Variants in JKAMP observed in about 807,000 individuals in gnomAD.
The protein encoded by JKAMP is JNK1/MAPK8-associated membrane protein.
In JKAMP, 20 loss-of-function variants were observed where a neutral mutation model predicts 40.2. The ratio of observed to expected loss-of-function variants is 0.50; its 90% CI spans 0.35 to 0.72. The LOEUF (loss-of-function observed/expected upper bound fraction) is 0.72. Ranked by LOEUF, JKAMP falls within the 30% of genes least tolerant of loss-of-function variation. JKAMP has a pLI of 0.01. For synonymous variants in JKAMP, 138 were observed against 131.6 expected, an observed-to-expected ratio of 1.05 and a Z score of -0.33; for missense variants, 276 against 373.0, an observed-to-expected ratio of 0.74 and a Z score of 2.14.
At chr14:59,500,162 A>C (rs1039730491) in intron 5 of JKAMP, among the ~76,000 whole-genome samples, 1 of 152,142 alleles carries the variant, frequency 6.6e-6, no homozygotes, top group Non-Finnish European at 1.5e-5. Context: ...TTTTGTTTTG[A>C]AAAGTTGATT....
Position 59,504,465 on chromosome 14 carries a change from C to T in JKAMP, c.*393C>T. On this transcript the variant is annotated 3_prime_UTR_variant, in exon 7 of 7. Coordinates refer to ENST00000616435, the MANE Select transcript of JKAMP (RefSeq NM_016475.5). ...GTAATTGTACTTACCTGTTGTGTTT[C>T]AGTTTGTTTTTCACCTATAATGAAT... 6.0e-6 allele frequency: 1 copy of T among 165,544 alleles called. No individual in the cohort carries two copies. The highest frequency in any genetic ancestry group is 1.3e-5 in the Non-Finnish European group (1 of 77,114). 10.3% of individuals were successfully genotyped at this position (165,544 alleles called of 1,614,324 possible).
rs1482170482 is a variant in JKAMP at position 59,504,551 on chromosome 14, T to G, written c.*479T>G. On this transcript the variant is annotated 3_prime_UTR_variant, in exon 7 of 7. Coordinates refer to ENST00000616435, the MANE Select transcript of JKAMP (RefSeq NM_016475.5). ...AACATAGAAATGATGTATATTGTTT[T>G]TTGTTATCTATTTATTTTCATCAAT... 3 of 153,772 alleles carry G rather than the reference T, an allele frequency of 2.0e-5. No homozygotes were observed. The highest frequency in any genetic ancestry group is 7.2e-5 in the African/African-American group (3 of 41,454). 9.5% of individuals were successfully genotyped at this position (153,772 alleles called of 1,614,324 possible).
intron 3 of JKAMP, among the ~76,000 whole-genome samples, chr14:59,488,199 A>G (rs1890724792): frequency 6.6e-6 from 1 of 152,024 alleles, no homozygotes; most frequent in Non-Finnish European, 1.5e-5. Context: ...TAAAAATGAT[A>G]TAGCTGTAAC....
chr14:59,495,299 T>C, intron 4 of JKAMP, 75 bp downstream of exon 4: 3 of 1,191,152 alleles, frequency 2.5e-6, no homozygotes, highest in Non-Finnish European at 1.2e-6. Context: ...TTATGGCGTT[T>C]GGAGACAAAA....
At chr14:59,493,356 CT>C (rs1891180459) in intron 3 of JKAMP, among the ~76,000 whole-genome samples, 1 of 152,156 alleles carries the variant, frequency 6.6e-6, no homozygotes, top group African/African-American at 2.4e-5. Context: ...TGAGTTAGTC[CT>C]TTTAAATGCT....
At chr14:59,485,729 T>C (rs572609439) in intron 1 of JKAMP, 2 of 152,698 alleles carry the variant, frequency 1.3e-5, no homozygotes, top group East Asian at 3.8e-4. Flanking sequence ...GCGATTCTCC[T>C]GCCTCAGCCT....
At chr14:59,503,476 T>A (rs1892092926) in intron 6 of JKAMP, among the ~76,000 whole-genome samples, 2 of 152,182 alleles carry the variant, frequency 1.3e-5, no homozygotes, top group South Asian at 4.1e-4. Flanking sequence ...TTCCCACCTG[T>A]AGATCCATAG....
rs1204913162 is a variant in JKAMP, at chr14:59,495,099, A to G, written c.333A>G (p.Pro111=). ...TTATCACCTTACTTGTGAGTGATCC[A>G]GTTGGTGTTCTTTATATTCGTTCAT... The part of the protein sequence containing the change: ...AAIITLLVSD[P]VGVLYIRSCR... The change falls in exon 4 of 7, where the codon CCA becomes CCG. Residue 111 remains proline, a synonymous_variant. Transcript: ENST00000616435. 2 of 1,613,400 alleles carry G rather than the reference A, an allele frequency of 1.2e-6. No homozygotes were observed. Among genetic ancestry groups the G allele is most frequent in the East Asian group, 2.2e-5 (1 of 44,882 alleles).
intron 4 of JKAMP, among the ~76,000 whole-genome samples, chr14:59,496,248 A>T (rs1311611794): frequency 6.6e-6 from 1 of 150,524 alleles, no homozygotes; most frequent in Non-Finnish European, 1.5e-5. Context: ...TTTTATAGAT[A>T]TATATATATA....
rs2139929928 is a variant in JKAMP, at chr14:59,505,176, T to A, written c.*1104T>A. 1.2e-6 allele frequency: 1 copy of A among 809,498 alleles called. No homozygotes were observed. The highest frequency in any genetic ancestry group is 2.1e-5 in the South Asian group (1 of 46,766). 50.1% of individuals were successfully genotyped at this position (809,498 alleles called of 1,614,324 possible). On this transcript the variant is annotated 3_prime_UTR_variant, in exon 7 of 7. Coordinates refer to ENST00000616435, the MANE Select transcript of JKAMP (RefSeq NM_016475.5). The stretch of plus-strand genomic sequence containing the variant: ...TATTAACAGCTGCAAAATATGAAAG[T>A]AAGTGCACTCACTTTTCCTGTAGTA...
chr14:59,502,472 T>G (rs1891952267), intron 6 of JKAMP, among the ~76,000 whole-genome samples: 1 of 152,204 alleles, frequency 6.6e-6, no homozygotes, highest in Non-Finnish European at 1.5e-5. Context: ...CCACTTTTTC[T>G]ATTACCTTAG....
chr14:59,492,350 A>G (rs1891083539), intron 3 of JKAMP, among the ~76,000 whole-genome samples: 1 of 152,226 alleles, frequency 6.6e-6, no homozygotes, highest in Non-Finnish European at 1.5e-5. Context: ...CTGAGAAAGA[A>G]GGAGATGGAA....
intron 6 of JKAMP, among the ~76,000 whole-genome samples, 174 bp downstream of exon 6, chr14:59,501,441 C>CT (rs1454459669): frequency 6.6e-6 from 1 of 152,114 alleles, no homozygotes; most frequent in Non-Finnish European, 1.5e-5. Flanking sequence ...GTGTACTGGA[C>CT]TATATATTTC....
In JKAMP at chr14:59,498,937, T is replaced by C. The variant is rs768776715; in HGVS notation, c.640+29T>C. The C allele has an allele frequency of 3.0e-6, 4 of 1,338,934 alleles. No individual in the cohort carries two copies. The South Asian group carries it at 5.8e-5, about 20-fold the overall frequency. 82.9% of individuals were successfully genotyped at this position (1,338,934 alleles called of 1,614,324 possible). The stretch of plus-strand genomic sequence containing the variant: ...AGTTTGATGGGTAAAGTCAATGAAA[T>C]ATATTTATTATTGTATGTAGTAATA... On this transcript the variant is annotated intron_variant, in intron 5 of 6. Coordinates refer to ENST00000616435, the MANE Select transcript of JKAMP (RefSeq NM_016475.5).
In JKAMP at chr14:59,498,925, A is replaced by G. The variant is rs775472979; in HGVS notation, c.640+17A>G. On this transcript the variant is annotated intron_variant, in intron 5 of 6. Coordinates refer to ENST00000616435, the MANE Select transcript of JKAMP (RefSeq NM_016475.5). ...GCCTTTTATGTAAGTTTGATGGGTA[A>G]AGTCAATGAAATATATTTATTATTG... is the stretch of plus-strand genomic sequence containing the variant. 1.2e-5 allele frequency: 17 copies of G among 1,474,472 alleles called. No individual in the cohort carries two copies. Among genetic ancestry groups the G allele is most frequent in the Non-Finnish European group, 1.6e-5 (17 of 1,079,584 alleles). 91.3% of individuals were successfully genotyped at this position (1,474,472 alleles called of 1,614,324 possible).
chr14:59,488,510 G>A (rs781110992), intron 3 of JKAMP, among the ~76,000 whole-genome samples: 7 of 152,156 alleles, frequency 4.6e-5, no homozygotes, highest in Admixed American at 1.3e-4. Context: ...TAATGGCATA[G>A]AGGTATGAAA....
chr14:59,498,414 G>A (rs937369797), intron 4 of JKAMP, among the ~76,000 whole-genome samples: 3 of 152,154 alleles, frequency 2.0e-5, no homozygotes, highest in South Asian at 2.1e-4. Context: ...TCCTTGTACA[G>A]TAGGTTTTTT....
chr14:59,490,086 C>T (rs1890875513), intron 3 of JKAMP, among the ~76,000 whole-genome samples: 1 of 151,908 alleles, frequency 6.6e-6, no homozygotes, highest in Admixed American at 6.6e-5. Context: ...CCATACCCTG[C>T]TAATTTTTTA....
rs1161213817 is a variant in JKAMP, at chr14:59,484,536, C to A, written c.-54C>A. ...CTCGCTGTGGCCCGGATGTTCGGTG[C>A]AGCTGCCAGATCCGCTGATCTAGTG... On this transcript the variant is annotated 5_prime_UTR_variant, in exon 1 of 7. Transcript: ENST00000616435. 4.5e-6 allele frequency: 7 copies of A among 1,558,846 alleles called. No individual in the cohort carries two copies. The highest frequency in any genetic ancestry group is 6.1e-6 in the Non-Finnish European group (7 of 1,151,036).
Sources: allele counts gnomAD v4.1 joint callset (sites outside exome capture counted in the v4.1 genomes callset), GRCh38; gene constraint gnomAD v4.1.1; transcripts MANE v1.5; gene names NCBI Gene and HGNC (gene_info 2026-07-23, HGNC 2026-07-21).